Variants in TGFA observed in about 807,000 individuals in gnomAD.
TGFA encodes protransforming growth factor alpha.
In TGFA, 12 loss-of-function variants were observed where a neutral mutation model predicts 21.7. That is an observed-to-expected ratio of 0.55 (90% CI 0.35 to 0.90). The LOEUF (loss-of-function observed/expected upper bound fraction) is 0.90. TGFA is among the 40% of genes least tolerant of loss of function. The pLI, the probability that TGFA is intolerant of heterozygous loss-of-function variation, is 0.01. For synonymous variants in TGFA, 79 were observed against 88.1 expected, an observed-to-expected ratio of 0.90 and a Z score of 0.58; for missense variants, 178 against 210.8, an observed-to-expected ratio of 0.84 and a Z score of 0.96.
chr2:70,455,912 G>T (rs749272351), intron 4 of TGFA, among the ~76,000 whole-genome samples: 1 of 152,230 alleles, frequency 6.6e-6, no homozygotes, highest in Non-Finnish European at 1.5e-5. Context: ...TCATCAGCCT[G>T]TAACAGCAAC....
intron 2 of TGFA, among the ~76,000 whole-genome samples, chr2:70,469,408 C>T (rs782662931): frequency 6.6e-6 from 1 of 152,112 alleles, no homozygotes; most frequent in Non-Finnish European, 1.5e-5. Context: ...GTTCATGGCT[C>T]ACTGCAGCCT....
At chr2:70,549,531 C>A (rs1553506474) in intron 1 of TGFA, among the ~76,000 whole-genome samples, 1 of 152,176 alleles carries the variant, frequency 6.6e-6, no homozygotes, top group African/African-American at 2.4e-5. Context: ...CCCTCCAGAT[C>A]ATTCCAATGT....
intron 4 of TGFA, 86 bp downstream of exon 4, chr2:70,456,253 G>A: frequency 6.9e-7 from 1 of 1,455,374 alleles, no homozygotes; most frequent in Non-Finnish European, 9.2e-7. Flanking sequence ...CTGTGCTGAG[G>A]TGGCCCTGTT....
chr2:70,535,512 C>T (rs923242729), intron 1 of TGFA, among the ~76,000 whole-genome samples: 3 of 152,180 alleles, frequency 2.0e-5, no homozygotes, highest in South Asian at 2.1e-4. Flanking sequence ...AAGAAAGTAG[C>T]TACCTCAGGT....
chr2:70,504,529 T>C (rs546143967), intron 2 of TGFA, among the ~76,000 whole-genome samples: 182 of 140,964 alleles, frequency 1.3e-3, no homozygotes, highest in Non-Finnish European at 2.5e-3. Flanking sequence ...GAAGATTCCA[T>C]AGTTTTGTGA....
intron 2 of TGFA, among the ~76,000 whole-genome samples, chr2:70,489,738 T>C (rs1293242523): frequency 6.6e-6 from 1 of 152,238 alleles, no homozygotes; most frequent in African/African-American, 2.4e-5. Flanking sequence ...GGTTCTCTTT[T>C]ATAGTCTAGG....
At chr2:70,470,921 A>T (rs1407810283) in intron 2 of TGFA, among the ~76,000 whole-genome samples, 2 of 152,182 alleles carry the variant, frequency 1.3e-5, no homozygotes, top group African/African-American at 4.8e-5. Flanking sequence ...GTTTCAAGAC[A>T]TTTTCTCATT....
chr2:70,547,232 C>T (rs1449927695), intron 1 of TGFA, among the ~76,000 whole-genome samples: 2 of 152,110 alleles, frequency 1.3e-5, no homozygotes, highest in East Asian at 3.8e-4. Context: ...AAAGTCGTTA[C>T]AATAAATGTA....
intron 1 of TGFA, among the ~76,000 whole-genome samples, chr2:70,515,709 C>T (rs1672252231): frequency 6.6e-6 from 1 of 152,132 alleles, no homozygotes; most frequent in South Asian, 2.1e-4. Flanking sequence ...ATGGGGACAG[C>T]TGCCACCATG....
chr2:70,538,498 A>G (rs1121328), intron 1 of TGFA, among the ~76,000 whole-genome samples: 6,934 of 152,322 alleles, frequency 0.046, 286 homozygotes, highest in East Asian at 0.2. Context: ...CAAAATATCA[A>G]CATTAATAGG....
intron 3 of TGFA, among the ~76,000 whole-genome samples, chr2:70,457,347 G>A (rs1452065756): frequency 6.6e-6 from 1 of 152,094 alleles, no homozygotes; most frequent in Non-Finnish European, 1.5e-5. Context: ...CTGGCCATAA[G>A]GATGGGATGG....
chr2:70,519,100 C>A (rs1205254843), intron 1 of TGFA, among the ~76,000 whole-genome samples: 1 of 152,020 alleles, frequency 6.6e-6, no homozygotes, highest in African/African-American at 2.4e-5. Context: ...ACGCTCAGGG[C>A]GGGAGGATAG....
intron 1 of TGFA, among the ~76,000 whole-genome samples, chr2:70,519,673 C>A (rs1553501997): frequency 6.6e-6 from 1 of 152,230 alleles, no homozygotes; most frequent in African/African-American, 2.4e-5. Context: ...CTAGAAAAAT[C>A]TCGGGAAATA....
chr2:70,516,010 T>A (rs1168866729), intron 1 of TGFA, among the ~76,000 whole-genome samples: 3 of 152,132 alleles, frequency 2.0e-5, no homozygotes, highest in African/African-American at 7.2e-5. Context: ...TGCATGCCCA[T>A]AAAACCAGCC....
chr2:70,499,142 A>G lies in TGFA; in HGVS notation c.94+15717T>C, dbSNP rs1265676801. On this transcript the variant is annotated intron_variant, in intron 2 of 5. Transcript: ENST00000295400. Reference sequence around the variant, plus strand: ...TTAAAAATGCAGATCCCCAGGCCCTACCTCTGAGATTTGCATTTGGCCTAT... The same window carrying G: ...TTAAAAATGCAGATCCCCAGGCCCTGCCTCTGAGATTTGCATTTGGCCTAT... Among the ~76,000 whole-genome samples the G allele has an allele frequency of 7.9e-5, 12 of 152,146 alleles. 1 individual carries two copies. The highest frequency in any genetic ancestry group is 2.9e-4 in the African/African-American group (12 of 41,410).
At chr2:70,466,206 G>A (rs1553492207) in intron 2 of TGFA, among the ~76,000 whole-genome samples, 1 of 152,196 alleles carries the variant, frequency 6.6e-6, no homozygotes, top group African/African-American at 2.4e-5. Context: ...AGTAAGTTAA[G>A]TAAATGGGTT....
intron 2 of TGFA, among the ~76,000 whole-genome samples, chr2:70,479,830 C>T (rs1331086877): frequency 6.6e-6 from 1 of 152,198 alleles, no homozygotes; most frequent in Non-Finnish European, 1.5e-5. Flanking sequence ...GATGCAGTGT[C>T]AGCTTCAGTC....
chr2:70,453,836 G>A (rs557225199), intron 4 of TGFA, among the ~76,000 whole-genome samples: 39 of 152,322 alleles, frequency 2.6e-4, no homozygotes, highest in Non-Finnish European at 5.0e-4. Flanking sequence ...GGAAGAATGA[G>A]TTATGGATCT....
chr2:70,515,174 T>A (rs1249567460), intron 1 of TGFA, among the ~76,000 whole-genome samples: 6 of 152,240 alleles, frequency 3.9e-5, no homozygotes, highest in African/African-American at 7.2e-5. Context: ...TCTCTCCATC[T>A]GTCAGGGTGG....
Sources: gnomAD v4.1 joint callset for allele counts (sites outside exome capture counted in the v4.1 genomes callset) on GRCh38, gnomAD v4.1.1 for gene constraint, MANE v1.5 for transcripts, NCBI Gene and HGNC (gene_info 2026-07-23, HGNC 2026-07-21) for gene names.